DNM3: variants seen among roughly 807,000 people sequenced by gnomAD.
DNM3 encodes dynamin-3.
DNM3 carries 47 observed loss-of-function variants against 101.6 expected under a neutral mutation model. The ratio of observed to expected loss-of-function variants is 0.46; its 90% CI spans 0.37 to 0.59. The LOEUF is 0.59. Ranked by LOEUF, DNM3 falls within the 20% of genes least tolerant of loss-of-function variation. The pLI is 0.00. For synonymous variants in DNM3, 385 were observed against 387.9 expected (o/e 0.99, Z 0.09); for missense variants, 849 against 1,085.7 (o/e 0.78, Z 3.06).
chr1:172,228,546 A>C (rs1237847130), intron 14 of DNM3, among the ~76,000 whole-genome samples: 1 of 152,134 alleles, frequency 6.6e-6, no homozygotes, highest in Non-Finnish European at 1.5e-5. Flanking sequence ...GTTATTGTTT[A>C]GAATTTTCCT....
At chr1:172,393,603 A>T (rs908337237) in intron 20 of DNM3, 1 of 110,966 alleles carries the variant, frequency 9.0e-6, no homozygotes, top group African/African-American at 2.5e-5. Context: ...ACAGCCCTCT[A>T]AAAGTCTGAC....
At chr1:172,193,501 T>A (rs1431168157) in intron 14 of DNM3, among the ~76,000 whole-genome samples, 1 of 152,160 alleles carries the variant, frequency 6.6e-6, no homozygotes, top group Non-Finnish European at 1.5e-5. Context: ...GGACTTTTTA[T>A]GGTTGGTAGG....
chr1:172,297,668 A>G (rs2064232375), intron 15 of DNM3, among the ~76,000 whole-genome samples: 1 of 152,112 alleles, frequency 6.6e-6, no homozygotes, highest in South Asian at 2.1e-4. Context: ...AAGCGTTTAT[A>G]TCTTTATTGC....
intron 2 of DNM3, among the ~76,000 whole-genome samples, chr1:171,963,446 G>A (rs186197867): frequency 6.6e-6 from 1 of 152,168 alleles, no homozygotes; most frequent in East Asian, 1.9e-4. Context: ...ATACTATATG[G>A]TGGATACAAC....
intron 1 of DNM3, among the ~76,000 whole-genome samples, chr1:171,892,719 AC>A (rs1182685715): frequency 3.3e-5 from 5 of 152,194 alleles, no homozygotes; most frequent in Non-Finnish European, 7.3e-5. Context: ...CCTTTTTGGC[AC>A]CAGGGGCTGG....
intron 14 of DNM3, among the ~76,000 whole-genome samples, chr1:172,243,427 C>A (rs1300507981): frequency 6.6e-6 from 1 of 152,032 alleles, no homozygotes; most frequent in Non-Finnish European, 1.5e-5. Flanking sequence ...GCTTGTAAGG[C>A]CAGAAAGCCT....
intron 14 of DNM3, among the ~76,000 whole-genome samples, chr1:172,145,575 G>T (rs1457027562): frequency 4.6e-5 from 7 of 152,092 alleles, no homozygotes; most frequent in Non-Finnish European, 8.8e-5. Flanking sequence ...TGAGTAATTA[G>T]TTCCACATGT....
intron 2 of DNM3, among the ~76,000 whole-genome samples, chr1:171,939,025 C>T (rs947917279): frequency 6.6e-6 from 1 of 151,566 alleles, no homozygotes; most frequent in Non-Finnish European, 1.5e-5. Flanking sequence ...CTTTTTTTTC[C>T]TTACTGACAA....
chr1:172,180,902 G>A (rs2059320345), intron 14 of DNM3, among the ~76,000 whole-genome samples: 1 of 152,020 alleles, frequency 6.6e-6, no homozygotes, highest in South Asian at 2.1e-4. Context: ...CCTACTCATG[G>A]ATATAAGGCA....
chr1:172,166,277 C>A (rs1362235691), intron 14 of DNM3, among the ~76,000 whole-genome samples: 1 of 152,022 alleles, frequency 6.6e-6, no homozygotes, highest in African/African-American at 2.4e-5. Flanking sequence ...ATAGCTGATA[C>A]CCTCAATTAA....
chr1:172,031,351 G>A (rs1380087999), intron 4 of DNM3, among the ~76,000 whole-genome samples: 2 of 152,148 alleles, frequency 1.3e-5, no homozygotes, highest in Admixed American at 1.3e-4. Context: ...GTTGAACAAT[G>A]AGAACACATG....
At chr1:171,988,832 T>TGG in intron 3 of DNM3, 113 bp from the exon 4 acceptor site, 1 of 859,102 alleles carries the variant, frequency 1.2e-6, no homozygotes. Context: ...ACACATGGGT[T>TGG]GGAGTTGTTC....
At chr1:172,321,932 CT>C (rs943556441) in intron 16 of DNM3, among the ~76,000 whole-genome samples, 1 of 152,080 alleles carries the variant, frequency 6.6e-6, no homozygotes, top group African/African-American at 2.4e-5. Context: ...AAAAAGGACT[CT>C]TTTTTTCCCT....
intron 14 of DNM3, among the ~76,000 whole-genome samples, chr1:172,146,537 C>A (rs1218919028): frequency 6.6e-6 from 1 of 152,170 alleles, no homozygotes; most frequent in Admixed American, 6.6e-5. Context: ...CTTGCACAAG[C>A]CCATAAGACT....
intron 14 of DNM3, among the ~76,000 whole-genome samples, chr1:172,176,451 G>A (rs1490983175): frequency 6.6e-6 from 1 of 151,810 alleles, no homozygotes; most frequent in Non-Finnish European, 1.5e-5. Flanking sequence ...ATTTGTTACT[G>A]CAGCAATAGG....
chr1:171,991,962 T>C (rs1224933446), intron 4 of DNM3, among the ~76,000 whole-genome samples: 1 of 152,220 alleles, frequency 6.6e-6, no homozygotes, highest in African/African-American at 2.4e-5. Context: ...TTCAGCCTCT[T>C]TGAAATTGTT....
intron 15 of DNM3, among the ~76,000 whole-genome samples, chr1:172,292,808 G>T (rs1377963577): frequency 6.6e-6 from 1 of 152,128 alleles, no homozygotes; most frequent in East Asian, 1.9e-4. Flanking sequence ...TTAAAAAAAT[G>T]TGGAATGCAT....
At chr1:172,350,129 A>G (rs1306340367) in intron 17 of DNM3, among the ~76,000 whole-genome samples, 1 of 152,214 alleles carries the variant, frequency 6.6e-6, no homozygotes, top group Non-Finnish European at 1.5e-5. Flanking sequence ...CCTACTAGGC[A>G]TATACATATA....
chr1:171,875,497 A>T (rs2035681946), intron 1 of DNM3, among the ~76,000 whole-genome samples: 2 of 152,342 alleles, frequency 1.3e-5, no homozygotes, highest in South Asian at 4.1e-4. Context: ...CACATAAGTT[A>T]GATTTGGCAT....
Sources: gnomAD v4.1 joint callset for allele counts (sites outside exome capture counted in the v4.1 genomes callset) on GRCh38, gnomAD v4.1.1 for gene constraint, MANE v1.5 for transcripts, NCBI Gene and HGNC (gene_info 2026-07-23, HGNC 2026-07-21) for gene names.